The following SENP7 variants were observed in gnomAD, a reference collection of about 807,000 sequenced individuals.
The protein encoded by SENP7 is SUMO specific peptidase 7.
Under a neutral mutation model 141.2 loss-of-function variants are expected in SENP7, and 64 were observed. The observed-to-expected ratio is 0.45, with a 90% CI of 0.37 to 0.56. The LOEUF is 0.56. SENP7 is among the 20% of genes least tolerant of loss of function. The pLI is 0.00. For missense variants in SENP7, 1,025 were observed against 1,212.2 expected, an observed-to-expected ratio of 0.85 and a Z score of 2.29; for synonymous variants, 382 against 426.4, an observed-to-expected ratio of 0.90 and a Z score of 1.28.
In SENP7 at chr3:101,332,739, A is replaced by C. The variant is rs761420440; in HGVS notation, c.2573+31T>G. The C allele has an allele frequency of 1.0e-5, 14 of 1,400,190 alleles. No individual in the cohort carries two copies. In the African/African-American group the frequency reaches 2.1e-4, roughly 21 times the overall value. 86.7% of individuals were successfully genotyped at this position (1,400,190 alleles called of 1,614,324 possible). ...CAAAATTTTTTTCTGAATTCTTTCC[A>C]ATATGTTCTTAAATAATCTGAAATA... On this transcript the variant is annotated intron_variant, in intron 18 of 23. Coordinates refer to ENST00000394095, the MANE Select transcript of SENP7 (RefSeq NM_020654.5).
Position 101,332,773 on chromosome 3 carries a change from T to C in SENP7, c.2570A>G (p.Glu857Gly). Residue 857 changes from glutamate (E) to glycine (G), a missense_variant, in exon 18 of 24, where the codon GAG becomes GGG. Glu to Gly is a moderately conservative substitution (Grantham distance 98). Transcript: ENST00000394095. ...TTAAATAATCTGAAATACTTACGAC[T>C]CATTTACAGGTACAAAGATGTAATC... Reference protein sequence around the residue: ...NKDYIFVPVNESSHWYLAVIC... With the variant: ...NKDYIFVPVNGSSHWYLAVIC... The C allele has an allele frequency of 6.7e-7, 1 of 1,502,042 alleles. No homozygotes were observed. The highest frequency in any genetic ancestry group is 8.8e-7 in the Non-Finnish European group (1 of 1,132,336). 93.0% of individuals were successfully genotyped at this position (1,502,042 alleles called of 1,614,324 possible).
At chr3:101,391,628 G>T (rs1576199453) in intron 6 of SENP7, among the ~76,000 whole-genome samples, 1 of 152,230 alleles carries the variant, frequency 6.6e-6, no homozygotes, top group Non-Finnish European at 1.5e-5. Flanking sequence ...CCCAGGACTG[G>T]ACGGTTTTAT....
At chr3:101,384,548 G>C (rs536046164) in intron 6 of SENP7, among the ~76,000 whole-genome samples, 1 of 152,294 alleles carries the variant, frequency 6.6e-6, no homozygotes, top group East Asian at 1.9e-4. Context: ...CTGCAGTCTT[G>C]TGGGAAGCCA....
At chr3:101,469,415 T>C (rs1173514758) in intron 3 of SENP7, among the ~76,000 whole-genome samples, 2 of 152,182 alleles carry the variant, frequency 1.3e-5, no homozygotes, top group African/African-American at 4.8e-5. Flanking sequence ...AATAGACATC[T>C]ACAGAACTTT....
At chr3:101,490,285 A>G (rs11923990) in intron 3 of SENP7, among the ~76,000 whole-genome samples, 60,322 of 152,020 alleles carry the variant, frequency 0.4, 12,494 homozygotes, top group Admixed American at 0.54. Flanking sequence ...GGAATATTAC[A>G]TAGCAATAAA....
intron 4 of SENP7, among the ~76,000 whole-genome samples, chr3:101,425,298 C>G (rs1322711264): frequency 6.6e-6 from 1 of 152,164 alleles, no homozygotes; most frequent in South Asian, 2.1e-4. Flanking sequence ...CCTCAGCCCC[C>G]CAACACAGTG....
At chr3:101,354,338 T>C (rs2059684401) in intron 11 of SENP7, among the ~76,000 whole-genome samples, 1 of 152,100 alleles carries the variant, frequency 6.6e-6, no homozygotes, top group South Asian at 2.1e-4. Context: ...CAGGGGTTTG[T>C]TGTACAGATT....
intron 6 of SENP7, among the ~76,000 whole-genome samples, chr3:101,383,808 T>C (rs180737900): frequency 6.6e-6 from 1 of 151,922 alleles, no homozygotes; most frequent in South Asian, 2.1e-4. Context: ...GGATAGGAGG[T>C]TGATGGCAGT....
chr3:101,448,167 A>C (rs1291014846), intron 4 of SENP7, among the ~76,000 whole-genome samples: 1 of 152,222 alleles, frequency 6.6e-6, no homozygotes. Context: ...GTAGTAATGG[A>C]TCATGACCTT....
intron 4 of SENP7, among the ~76,000 whole-genome samples, chr3:101,448,866 G>A (rs2063002195): frequency 6.6e-6 from 1 of 152,194 alleles, no homozygotes; most frequent in South Asian, 2.1e-4. Context: ...ACGGAACAAA[G>A]CTGGACAGAG....
chr3:101,433,066 C>T (rs2062244118), intron 4 of SENP7, among the ~76,000 whole-genome samples: 1 of 151,932 alleles, frequency 6.6e-6, no homozygotes, highest in African/African-American at 2.4e-5. Flanking sequence ...TCAAGACAGT[C>T]AATACAATAA....
intron 4 of SENP7, among the ~76,000 whole-genome samples, chr3:101,425,435 G>A (rs2061929330): frequency 6.6e-6 from 1 of 152,136 alleles, no homozygotes; most frequent in Non-Finnish European, 1.5e-5. Flanking sequence ...CAGAAACAAA[G>A]CCAGTTGGCT....
intron 1 of SENP7, among the ~76,000 whole-genome samples, chr3:101,503,000 T>G (rs1005544581): frequency 1.3e-5 from 2 of 151,126 alleles, no homozygotes; most frequent in African/African-American, 2.4e-5. Flanking sequence ...AAGAAAAATA[T>G]TTATAATACA....
At chr3:101,387,350 G>A (rs968547022) in intron 6 of SENP7, among the ~76,000 whole-genome samples, 3 of 151,884 alleles carry the variant, frequency 2.0e-5, no homozygotes, top group African/African-American at 7.3e-5. Context: ...GCCATTCTGG[G>A]GCCTGAAAAC....
chr3:101,490,659 C>T (rs1454742405), intron 3 of SENP7, among the ~76,000 whole-genome samples: 1 of 152,092 alleles, frequency 6.6e-6, no homozygotes, highest in African/African-American at 2.4e-5. Flanking sequence ...TCTAACTTTA[C>T]TCTTAAGATT....
At chr3:101,424,229 G>T (rs1197114821) in intron 4 of SENP7, among the ~76,000 whole-genome samples, 1 of 152,112 alleles carries the variant, frequency 6.6e-6, no homozygotes, top group Non-Finnish European at 1.5e-5. Flanking sequence ...CAGGCAGAGA[G>T]CTCCAGTGGG....
At chr3:101,358,340 TAC>T in intron 11 of SENP7, 1 of 702,014 alleles carries the variant, frequency 1.4e-6, no homozygotes, top group Non-Finnish European at 2.3e-6. Flanking sequence ...ACAGGAAACC[TAC>T]AGAGTCAATA....
intron 17 of SENP7, chr3:101,333,344 C>T (rs1356950858): frequency 6.5e-6 from 1 of 153,262 alleles, no homozygotes; most frequent in Non-Finnish European, 1.4e-5. Flanking sequence ...AGGAGTTCAA[C>T]ACTAGCCTGG....
intron 6 of SENP7, among the ~76,000 whole-genome samples, chr3:101,397,211 A>G (rs1028064436): frequency 3.9e-5 from 6 of 152,120 alleles, no homozygotes; most frequent in African/African-American, 1.4e-4. Flanking sequence ...AGCTCACTGC[A>G]ATCTTGAATT....
Sources: allele counts gnomAD v4.1 joint callset (sites outside exome capture counted in the v4.1 genomes callset), GRCh38; gene constraint gnomAD v4.1.1; transcripts MANE v1.5; gene names NCBI Gene and HGNC (gene_info 2026-07-23, HGNC 2026-07-21).